LAMA2: variants seen among roughly 807,000 people sequenced by gnomAD.
LAMA2 encodes laminin subunit alpha-2.
In LAMA2, 269 loss-of-function variants were observed where a neutral mutation model predicts 364.8. The ratio of observed to expected loss-of-function variants is 0.74; its 90% CI spans 0.67 to 0.82. The LOEUF (loss-of-function observed/expected upper bound fraction) is 0.82, where lower values mean the gene tolerates loss of function less well. Among genes scored for constraint, LAMA2 ranks in the 40% least tolerant of loss-of-function variants. LAMA2 has a pLI of 0.00. For synonymous variants in LAMA2, 1,379 were observed against 1,370.6 expected (o/e 1.01, Z -0.14); for missense variants, 3,807 against 3,873.2 (o/e 0.98, Z 0.45).
intron 49 of LAMA2, 89 bp from the exon 50 acceptor site, chr6:129,464,201 C>A: frequency 8.7e-7 from 1 of 1,144,130 alleles, no homozygotes; most frequent in Non-Finnish European, 1.3e-6. Flanking sequence ...CTACAACAGC[C>A]TATAGTCTCA....
In LAMA2 at chr6:129,502,500, A is replaced by G. The variant is rs7754167; in HGVS notation, c.8245-159A>G. On this transcript the variant is annotated intron_variant, in intron 58 of 64. Coordinates refer to ENST00000421865, the MANE Select transcript of LAMA2 (RefSeq NM_000426.4). Reference sequence around the variant, plus strand: ...ACTGATTCACACGCACTGAGCACTCAATAATAAGTACTTACTATGCAGTAG... The same window carrying G: ...ACTGATTCACACGCACTGAGCACTCGATAATAAGTACTTACTATGCAGTAG... Among the ~76,000 whole-genome samples the G allele has an allele frequency of 0.73, 111,618 of 152,166 alleles. 40,992 individuals carry two copies. Among genetic ancestry groups the G allele is most frequent in the Middle Eastern group, 0.78 (230 of 294 alleles).
At chr6:128,912,506 G>A (rs1778034722) in intron 1 of LAMA2, among the ~76,000 whole-genome samples, 1 of 152,096 alleles carries the variant, frequency 6.6e-6, no homozygotes, top group African/African-American at 2.4e-5. Flanking sequence ...TTTTAAAGCA[G>A]GGTATTATTC....
chr6:129,417,970 C>T (rs546168055), intron 40 of LAMA2, among the ~76,000 whole-genome samples: 1 of 152,234 alleles, frequency 6.6e-6, no homozygotes, highest in East Asian at 1.9e-4. Context: ...CCACAGCTGG[C>T]TGGGTGGCTG....
At chr6:129,095,567 C>T (rs746945111) in intron 3 of LAMA2, among the ~76,000 whole-genome samples, 7 of 151,932 alleles carry the variant, frequency 4.6e-5, no homozygotes, top group Admixed American at 1.3e-4. Flanking sequence ...TGAGAGCTGG[C>T]AGTGAGCTGT....
At chr6:129,044,038 G>A (rs1435946387) in intron 1 of LAMA2, among the ~76,000 whole-genome samples, 2 of 152,126 alleles carry the variant, frequency 1.3e-5, no homozygotes, top group Non-Finnish European at 2.9e-5. Flanking sequence ...AGTTCTTCAA[G>A]CCAGTAAAAC....
chr6:128,890,831 A>G (rs1562802504), intron 1 of LAMA2, among the ~76,000 whole-genome samples: 1 of 152,142 alleles, frequency 6.6e-6, no homozygotes, highest in Non-Finnish European at 1.5e-5. Flanking sequence ...AATGTCAGTG[A>G]ATGAAAAGAA....
chr6:129,019,371 T>C lies in LAMA2; in HGVS notation c.113-30547T>C, dbSNP rs986055665. Among the ~76,000 whole-genome samples, 65 of 151,370 alleles carry C rather than the reference T, an allele frequency of 4.3e-4. 2 individuals are homozygous for C. Among genetic ancestry groups the C allele is most frequent in the Admixed American group, 3.4e-3 (52 of 15,206 alleles). ...TAAATTCCTTCTAATTTCTCCAGTC[T>C]ACTTTTTTGAAACTCCCATGAGTCA... On this transcript the variant is annotated intron_variant, in intron 1 of 64. Transcript: ENST00000421865.
At chr6:128,921,051 C>T (rs1461452919) in intron 1 of LAMA2, among the ~76,000 whole-genome samples, 6 of 152,102 alleles carry the variant, frequency 3.9e-5, no homozygotes, top group Non-Finnish European at 8.8e-5. Flanking sequence ...ACTTAAAAAG[C>T]CTGAAACGCG....
chr6:129,311,123 G>T (rs1257092865), intron 22 of LAMA2, among the ~76,000 whole-genome samples: 1 of 151,224 alleles, frequency 6.6e-6, no homozygotes, highest in Non-Finnish European at 1.5e-5. Context: ...TAATGATGAA[G>T]ATTCTTTTTT....
chr6:129,261,967 T>C (rs1036034673), intron 15 of LAMA2, among the ~76,000 whole-genome samples: 2 of 152,164 alleles, frequency 1.3e-5, no homozygotes, highest in Non-Finnish European at 2.9e-5. Context: ...CCTTTTGCTC[T>C]TGATTCCAAA....
At chr6:129,045,301 T>C (rs1787399706) in intron 1 of LAMA2, among the ~76,000 whole-genome samples, 1 of 152,216 alleles carries the variant, frequency 6.6e-6, no homozygotes, top group South Asian at 2.1e-4. Context: ...TTTAGTTTTA[T>C]GGTTAGAAAA....
intron 1 of LAMA2, among the ~76,000 whole-genome samples, chr6:128,941,770 C>G (rs944333752): frequency 9.9e-5 from 15 of 152,044 alleles, no homozygotes; most frequent in African/African-American, 3.6e-4. Flanking sequence ...TCACGTGATC[C>G]AAAGTAATTT....
In LAMA2 at chr6:128,997,299, GAAGA is replaced by G. The variant is rs1216753316; in HGVS notation, c.113-52608_113-52605del. Reference sequence around the variant, plus strand: ...AAAGTAGAAAGAAAGAAAGAGAAAAGAAGAAAGAAAGAAACAAAGAGAGAGAGAG... The same window carrying G: ...AAAGTAGAAAGAAAGAAAGAGAAAAGAAGAAAGAAACAAAGAGAGAGAGAG... On this transcript the variant is annotated intron_variant, in intron 1 of 64. Transcript: ENST00000421865. Among the ~76,000 whole-genome samples the G allele has an allele frequency of 1.0e-4, 13 of 128,654 alleles. No homozygotes were observed. The East Asian group carries it at 1.5e-3, about 15-fold the overall frequency. 84.4% of individuals were successfully genotyped at this position (128,654 alleles called of 152,430 possible).
chr6:129,503,879 G>A (rs576183617), intron 60 of LAMA2, among the ~76,000 whole-genome samples: 42 of 152,192 alleles, frequency 2.8e-4, no homozygotes, highest in Non-Finnish European at 4.4e-4. Flanking sequence ...TAAAAACGTT[G>A]GCCTTACACC....
Position 129,314,788 on chromosome 6 carries a change from T to A in LAMA2, c.3545T>A (p.Ile1182Asn), listed in dbSNP as rs1486302143. ...TTQCSEAKGL[I>N]RTWVTLKAEQ... Reference sequence around the variant, plus strand: ...CAGTGCTCTGAAGCAAAAGGACTGATCCGGACGTGGGTGAGTAGGGAACTG... The same window carrying A: ...CAGTGCTCTGAAGCAAAAGGACTGAACCGGACGTGGGTGAGTAGGGAACTG... The change falls in exon 24 of 65, where the codon ATC (isoleucine) becomes AAC (asparagine). Residue 1182 changes from isoleucine to asparagine, a missense_variant. Coordinates refer to ENST00000421865, the MANE Select transcript of LAMA2 (RefSeq NM_000426.4). 1.2e-6 allele frequency: 2 copies of A among 1,613,966 alleles called. No homozygotes were observed. The highest frequency in any genetic ancestry group is 1.7e-6 in the Non-Finnish European group (2 of 1,180,022).
At chr6:128,902,612 C>A (rs1357723285) in intron 1 of LAMA2, among the ~76,000 whole-genome samples, 1 of 152,038 alleles carries the variant, frequency 6.6e-6, no homozygotes, top group Non-Finnish European at 1.5e-5. Context: ...GCTTTCAGTC[C>A]CATTTTAAAG....
chr6:129,346,008 C>A (rs889247039), intron 30 of LAMA2, among the ~76,000 whole-genome samples: 3 of 152,158 alleles, frequency 2.0e-5, no homozygotes, highest in Non-Finnish European at 2.9e-5. Context: ...TCAATCTGTG[C>A]AGTCAGTGAG....
intron 15 of LAMA2, among the ~76,000 whole-genome samples, chr6:129,265,348 C>G (rs775991273): frequency 3.3e-5 from 5 of 152,026 alleles, no homozygotes; most frequent in Non-Finnish European, 7.4e-5. Flanking sequence ...AGAAAGAAGA[C>G]GTGGTATGAG....
intron 1 of LAMA2, among the ~76,000 whole-genome samples, chr6:128,921,367 T>C (rs1284390787): frequency 2.0e-5 from 3 of 152,166 alleles, no homozygotes; most frequent in Non-Finnish European, 4.4e-5. Flanking sequence ...CAAAAAGAAA[T>C]GTTGAAGTCT....
Sources: allele counts gnomAD v4.1 joint callset (sites outside exome capture counted in the v4.1 genomes callset), GRCh38; gene constraint gnomAD v4.1.1; transcripts MANE v1.5; gene names NCBI Gene and HGNC (gene_info 2026-07-23, HGNC 2026-07-21).